The following CFAP263 variants were observed in gnomAD, a reference collection of about 807,000 sequenced individuals.
The protein encoded by CFAP263 is cilia and flagella associated protein 263, also known as cilia- and flagella-associated protein 263.
the CFAP263 span, among the ~76,000 whole-genome samples, chr16:58,272,790 A>G: frequency 7.1e-6 from 1 of 140,896 alleles, no homozygotes; most frequent in East Asian, 2.0e-4. Flanking sequence ...TTTTTTGAGC[A>G]CTTCCTTTCT....
At chr16:58,258,991 A>G in the CFAP263 span, among the ~76,000 whole-genome samples, 1 of 147,092 alleles carries the variant, frequency 6.8e-6, no homozygotes, top group Non-Finnish European at 1.5e-5. Flanking sequence ...AAAAATAAAT[A>G]AATAAATAAA....
the CFAP263 span, chr16:58,253,885 GGCTGTCAC>G: frequency 9.1e-7 from 1 of 1,099,694 alleles, no homozygotes; most frequent in Non-Finnish European, 1.4e-6. Flanking sequence ...TGTTCTCCCT[GGCTGTCAC>G]TCTGGGGAAC....
chr16:58,252,984 ATTTTTCT>A, the CFAP263 span: 1 of 902,384 alleles, frequency 1.1e-6, no homozygotes, highest in Non-Finnish European at 1.7e-6. Flanking sequence ...TTTACTTTTG[ATTTTTCT>A]TTGCCCTCTA....
At chr16:58,263,574 G>T in the CFAP263 span, among the ~76,000 whole-genome samples, 16 of 152,342 alleles carry the variant, frequency 1.1e-4, no homozygotes, top group African/African-American at 3.8e-4. Flanking sequence ...TAGCTCGCAG[G>T]TGGGCTTTGT....
the CFAP263 span, among the ~76,000 whole-genome samples, chr16:58,251,436 G>A: frequency 6.6e-6 from 1 of 152,194 alleles, no homozygotes. Flanking sequence ...CTGTCGCCCA[G>A]GCTGAAGTAC....
the CFAP263 span, among the ~76,000 whole-genome samples, chr16:58,267,250 G>A: frequency 9.2e-5 from 14 of 152,184 alleles, no homozygotes; most frequent in Middle Eastern, 3.4e-3. Flanking sequence ...TTAGGTCCCC[G>A]TGTGCCTGAC....
chr16:58,254,013 A>T, the CFAP263 span: 1 of 1,614,226 alleles, frequency 6.2e-7, no homozygotes, highest in Non-Finnish European at 8.5e-7. Context: ...AGGCAGGCGT[A>T]GATCCAAATC....
the CFAP263 span, among the ~76,000 whole-genome samples, chr16:58,256,442 G>A: frequency 6.6e-6 from 1 of 152,184 alleles, no homozygotes; most frequent in Non-Finnish European, 1.5e-5. Context: ...AGGGAAAGAA[G>A]GGCACCCCAG....
the CFAP263 span, among the ~76,000 whole-genome samples, chr16:58,264,387 T>C: frequency 2.0e-5 from 3 of 152,120 alleles, no homozygotes; most frequent in Middle Eastern, 3.2e-3. Context: ...CCTGATCTCT[T>C]TAGGATGGGT....
the CFAP263 span, among the ~76,000 whole-genome samples, chr16:58,260,700 A>G: frequency 6.6e-6 from 1 of 152,238 alleles, no homozygotes; most frequent in South Asian, 2.1e-4. Context: ...ATTAACTTGA[A>G]TTTGGGCACT....
the CFAP263 span, chr16:58,281,041 A>T: frequency 2.7e-6 from 1 of 373,402 alleles, no homozygotes; most frequent in Non-Finnish European, 4.8e-6. Context: ...CTTTGGCCAA[A>T]CCTTCCCTCT....
the CFAP263 span, among the ~76,000 whole-genome samples, chr16:58,260,354 G>A: frequency 1.6e-4 from 25 of 152,132 alleles, no homozygotes; most frequent in African/African-American, 5.6e-4. Flanking sequence ...ATCCTGATTT[G>A]AGCCTCCCAA....
the CFAP263 span, chr16:58,279,886 C>G: frequency 4.5e-6 from 4 of 883,588 alleles, no homozygotes; most frequent in Non-Finnish European, 7.0e-6. Flanking sequence ...GTGTTCCCAA[C>G]CCCCCACCCA....
At chr16:58,266,059 A>G in the CFAP263 span, among the ~76,000 whole-genome samples, 1 of 152,182 alleles carries the variant, frequency 6.6e-6, no homozygotes, top group African/African-American at 2.4e-5. Flanking sequence ...TTAGCAGAGC[A>G]ACTTTCATGC....
chr16:58,261,193 G>A, the CFAP263 span, among the ~76,000 whole-genome samples: 4 of 152,180 alleles, frequency 2.6e-5, no homozygotes, highest in African/African-American at 9.7e-5. Context: ...GGGTCCAGGA[G>A]GGCCACAGCC....
At chr16:58,281,292 C>T in the CFAP263 span, 2 of 158,306 alleles carry the variant, frequency 1.3e-5, no homozygotes, top group African/African-American at 2.4e-5. Flanking sequence ...GGAGTAGAAG[C>T]TTGGCATCAT....
the CFAP263 span, among the ~76,000 whole-genome samples, chr16:58,257,443 G>A: frequency 6.6e-6 from 1 of 151,594 alleles, no homozygotes; most frequent in Non-Finnish European, 1.5e-5. Flanking sequence ...ATTTTTAAGA[G>A]ATGGGGCCTC....
the CFAP263 span, among the ~76,000 whole-genome samples, chr16:58,269,307 A>C: frequency 6.6e-6 from 1 of 152,046 alleles, no homozygotes; most frequent in East Asian, 1.9e-4. Flanking sequence ...CTCCAGCCTC[A>C]GTGACAGAGG....
At chr16:58,250,117 T>A in the CFAP263 span, 14 of 1,565,474 alleles carry the variant, frequency 8.9e-6, no homozygotes, top group African/African-American at 1.6e-4. Context: ...GGAGCTCAGG[T>A]ACCGCCGCCC....
Sources: allele counts gnomAD v4.1 joint callset (sites outside exome capture counted in the v4.1 genomes callset), GRCh38; gene constraint gnomAD v4.1.1; transcripts MANE v1.5; gene names NCBI Gene and HGNC (gene_info 2026-07-23, HGNC 2026-07-21).